Variants in SLC14A2 observed in about 807,000 individuals in gnomAD.
The protein encoded by SLC14A2 is solute carrier family 14 member 2, also known as urea transporter 2.
SLC14A2 carries 91 observed loss-of-function variants against 104.6 expected under a neutral mutation model. The observed-to-expected ratio is 0.87, with a 90% CI of 0.73 to 1.04. The LOEUF (loss-of-function observed/expected upper bound fraction) is 1.04. Ranked by LOEUF, SLC14A2 falls within the 50% of genes least tolerant of loss-of-function variation. SLC14A2 has a pLI of 0.00. For missense variants in SLC14A2, 1,189 were observed against 1,156.0 expected (o/e 1.03, Z -0.41); for synonymous variants, 476 against 466.4 (o/e 1.02, Z -0.27).
chr18:45,366,564 T>C (rs1598726028), intron 1 of SLC14A2, among the ~76,000 whole-genome samples: 1 of 152,198 alleles, frequency 6.6e-6, no homozygotes, highest in East Asian at 1.9e-4. Flanking sequence ...ATCTTTTCTC[T>C]TACTATAGTG....
chr18:45,223,962 G>T (rs1000583061), intron 1 of SLC14A2, among the ~76,000 whole-genome samples: 5 of 152,032 alleles, frequency 3.3e-5, no homozygotes, highest in Non-Finnish European at 7.4e-5. Flanking sequence ...AATCCATTTG[G>T]GCACCTTTGA....
chr18:45,192,642 T>G, the SLC14A2 span, among the ~76,000 whole-genome samples: 17,002 of 144,470 alleles, frequency 0.12, 1,270 homozygotes, highest in Middle Eastern at 0.21. Context: ...GTGTGGTTTT[T>G]TTTTGTTTTG....
chr18:45,370,052 T>G (rs2085706590), intron 1 of SLC14A2, among the ~76,000 whole-genome samples: 1 of 152,196 alleles, frequency 6.6e-6, no homozygotes, highest in South Asian at 2.1e-4. Flanking sequence ...TAACCAACAC[T>G]GAGGAGTCAG....
At chr18:45,404,230 C>T (rs1418877252) in intron 1 of SLC14A2, among the ~76,000 whole-genome samples, 1 of 152,098 alleles carries the variant, frequency 6.6e-6, no homozygotes, top group Admixed American at 6.5e-5. Flanking sequence ...CTCATTTATC[C>T]TTGGGTTCTT....
chr18:45,632,481 G>A lies in SLC14A2; in HGVS notation c.650+3G>A. The A allele has an allele frequency of 6.2e-7, 1 of 1,613,108 alleles. No homozygotes were observed. Among genetic ancestry groups the A allele is most frequent in the Non-Finnish European group, 8.5e-7 (1 of 1,179,630 alleles). Reference sequence around the variant, plus strand: ...GTGACCTTCACAGCCATGTCCTGGTGAGGCACCTCATTTTTTCTGCTCACA... The same window carrying A: ...GTGACCTTCACAGCCATGTCCTGGTAAGGCACCTCATTTTTTCTGCTCACA... On this transcript the variant is annotated splice_donor_region_variant and intron_variant, in intron 5 of 19. Coordinates refer to ENST00000255226, the MANE Select transcript of SLC14A2 (RefSeq NM_007163.4).
chr18:45,234,579 C>T (rs1225424265), intron 1 of SLC14A2, among the ~76,000 whole-genome samples: 1 of 152,182 alleles, frequency 6.6e-6, no homozygotes, highest in Non-Finnish European at 1.5e-5. Flanking sequence ...AGTGGAGACG[C>T]ATAGACTAGG....
chr18:45,534,163 G>A (rs990210046), intron 2 of SLC14A2, among the ~76,000 whole-genome samples: 2 of 152,016 alleles, frequency 1.3e-5, no homozygotes, highest in Non-Finnish European at 2.9e-5. Context: ...TTGGACGTGG[G>A]AGAGACCTAA....
intron 1 of SLC14A2, among the ~76,000 whole-genome samples, chr18:45,433,241 C>A (rs1224291305): frequency 1.3e-5 from 2 of 152,050 alleles, no homozygotes; most frequent in Non-Finnish European, 2.9e-5. Flanking sequence ...AATATAGTAC[C>A]CCCTCAACAT....
At chr18:45,654,823 C>G (rs565305595) in intron 10 of SLC14A2, among the ~76,000 whole-genome samples, 8 of 152,308 alleles carry the variant, frequency 5.3e-5, no homozygotes. Flanking sequence ...CCACCACACA[C>G]ACCCACTGGA....
the SLC14A2 span, among the ~76,000 whole-genome samples, chr18:45,199,257 A>T: frequency 6.6e-6 from 1 of 152,070 alleles, no homozygotes; most frequent in Non-Finnish European, 1.5e-5. Context: ...GGCTTTTCTA[A>T]TCTGAAGGCT....
Position 45,641,206 on chromosome 18 carries a change from T to C in SLC14A2, c.992-3T>C, listed in dbSNP as rs1186395011. The C allele has an allele frequency of 3.1e-6, 5 of 1,614,036 alleles. No homozygotes were observed. The African/African-American group carries it at 6.7e-5, about 22-fold the overall frequency. ...GACAGAAATACCACACCTTGTCCCA[T>C]AGCCCTGTCAGTGGCCACACCCTTC... is the stretch of plus-strand genomic sequence containing the variant. On this transcript the variant is annotated splice_region_variant and splice_polypyrimidine_tract_variant and intron_variant, in intron 7 of 19. Coordinates refer to ENST00000255226, the MANE Select transcript of SLC14A2 (RefSeq NM_007163.4).
intron 1 of SLC14A2, among the ~76,000 whole-genome samples, chr18:45,381,731 T>C (rs566734363): frequency 3.3e-5 from 5 of 151,952 alleles, no homozygotes; most frequent in East Asian, 1.9e-4. Context: ...ACTCCGGGGG[T>C]TGGGGGGCAG....
Position 45,624,783 on chromosome 18 carries a change from C to G in SLC14A2, c.119C>G (p.Ala40Gly), listed in dbSNP as rs779583706. 1.9e-6 allele frequency: 3 copies of G among 1,612,346 alleles called. No individual in the cohort carries two copies. The South Asian group carries it at 3.3e-5, about 18-fold the overall frequency. Residue 40 changes from alanine to glycine, a missense_variant, in exon 2 of 20, where the codon GCT becomes GGT. Ala to Gly is a moderately conservative substitution (Grantham distance 60). Coordinates refer to ENST00000255226, the MANE Select transcript of SLC14A2 (RefSeq NM_007163.4). ...TCGACATCCCCGGATACTCACCCAGCTCTGCCCCTCCTGGAAATGCCTGAA... is the reference window on the plus strand; with the variant it reads ...TCGACATCCCCGGATACTCACCCAGGTCTGCCCCTCCTGGAAATGCCTGAA... ...WPSTSPDTHP[A>G]LPLLEMPEEK...
In SLC14A2 at chr18:45,514,335, T is replaced by G. The variant is rs377234159; in HGVS notation, c.-35+31013T>G. 2.0e-5 allele frequency among the ~76,000 whole-genome samples: 3 copies of G among 152,070 alleles called. No homozygotes were observed. In the East Asian group the frequency reaches 5.8e-4, roughly 29 times the overall value. ...GCAAAGGGGAAGATGCTACACACTTTCAAACAACCAGATCTTGTGAAAACT... is the reference window on the plus strand; with the variant it reads ...GCAAAGGGGAAGATGCTACACACTTGCAAACAACCAGATCTTGTGAAAACT... On this transcript the variant is annotated intron_variant, in intron 2 of 20. Transcript: ENST00000586448.
chr18:45,632,952 C>T (rs1222900896), intron 5 of SLC14A2, among the ~76,000 whole-genome samples: 1 of 152,244 alleles, frequency 6.6e-6, no homozygotes, highest in African/African-American at 2.4e-5. Context: ...GCTGGGATTA[C>T]AGGCGTGAGC....
intron 10 of SLC14A2, chr18:45,647,107 C>T (rs1248651444): frequency 6.6e-6 from 1 of 152,250 alleles, no homozygotes; most frequent in Non-Finnish European, 1.5e-5. Flanking sequence ...TTTATCTCCT[C>T]TCATACAACA....
At chr18:45,446,559 T>A (rs149110509) in intron 1 of SLC14A2, among the ~76,000 whole-genome samples, 369 of 152,350 alleles carry the variant, frequency 2.4e-3, no homozygotes, top group Middle Eastern at 6.8e-3. Context: ...ATGATATTTG[T>A]TATAGCTGCC....
At chr18:45,393,191 A>G (rs1013766286) in intron 1 of SLC14A2, among the ~76,000 whole-genome samples, 1 of 152,220 alleles carries the variant, frequency 6.6e-6, no homozygotes, top group African/African-American at 2.4e-5. Flanking sequence ...ACGTTTTATT[A>G]TCTAAGAGAG....
intron 2 of SLC14A2, among the ~76,000 whole-genome samples, chr18:45,484,671 C>A (rs901153728): frequency 6.6e-6 from 1 of 152,138 alleles, no homozygotes; most frequent in Non-Finnish European, 1.5e-5. Context: ...CCTGCCAGTG[C>A]TGGAAGTCAG....
Sources: allele counts gnomAD v4.1 joint callset (sites outside exome capture counted in the v4.1 genomes callset), GRCh38; gene constraint gnomAD v4.1.1; transcripts MANE v1.5; gene names NCBI Gene and HGNC (gene_info 2026-07-23, HGNC 2026-07-21).